AKAP13: variants seen among roughly 807,000 people sequenced by gnomAD.
AKAP13 encodes A-kinase anchor protein 13.
AKAP13 carries 80 observed loss-of-function variants against 264.5 expected under a neutral mutation model. The observed-to-expected ratio is 0.30, with a 90% confidence interval of 0.25 to 0.36. AKAP13 has a LOEUF of 0.36. Among genes scored for constraint, AKAP13 ranks in the 10% least tolerant of loss-of-function variants. The probability of loss-of-function intolerance (pLI) is 1.00; values close to 1 mark genes in which losing one functional copy is unlikely to be tolerated. For missense variants in AKAP13, 3,712 were observed against 3,435.2 expected, an observed-to-expected ratio of 1.08 and a Z score of -2.01; for synonymous variants, 1,380 against 1,250.2, an observed-to-expected ratio of 1.10 and a Z score of -2.19.
At position 85,528,239 on chromosome 15, in the gene AKAP13, G is replaced by A. The variant is rs181556831; in HGVS notation, c.182-5345G>A. ...CCTCCTGACCTGCCAGCATAAAAAA[G>A]GTGCAGATTAGGTGATTTTAAGAGG... On this transcript the variant is annotated intron_variant, in intron 3 of 36. Coordinates refer to ENST00000394518, the MANE Select transcript of AKAP13 (RefSeq NM_007200.5). Among the ~76,000 whole-genome samples, 13 of 152,230 alleles carry A rather than the reference G, an allele frequency of 8.5e-5. No individual in the cohort carries two copies. The East Asian group carries it at 2.5e-3, about 29-fold the overall frequency.
At chr15:85,412,738 C>T (rs986758456) in intron 1 of AKAP13, among the ~76,000 whole-genome samples, 6 of 152,128 alleles carry the variant, frequency 3.9e-5, no homozygotes, top group Non-Finnish European at 8.8e-5. Flanking sequence ...TAAGCTGATC[C>T]TCATGAAATA....
chr15:85,577,708 A>G (rs1353241393), intron 6 of AKAP13: 1 of 720,700 alleles, frequency 1.4e-6, no homozygotes, highest in Non-Finnish European at 1.7e-6. Context: ...CTGACAGTAT[A>G]TAGGTATATG....
chr15:85,623,777 A>G (rs1165868389), intron 8 of AKAP13, among the ~76,000 whole-genome samples: 2 of 152,212 alleles, frequency 1.3e-5, no homozygotes, highest in East Asian at 3.8e-4. Context: ...GTTCCTCTGT[A>G]TATGACATTC....
chr15:85,385,176 C>A lies in AKAP13; in HGVS notation c.-12+4378C>A, dbSNP rs1032661744. 2.6e-5 allele frequency among the ~76,000 whole-genome samples: 4 copies of A among 152,068 alleles called. No individual in the cohort carries two copies. In the South Asian group the frequency reaches 6.2e-4, roughly 24 times the overall value. ...TGGGCTTTTACAGAAGTTTGCTGAC[C>A]CTTTTTCTACATAACCAACTGCAGT... On this transcript the variant is annotated intron_variant, in intron 1 of 36. Transcript: ENST00000394518.
At chr15:85,466,667 A>G (rs1401809910) in intron 1 of AKAP13, among the ~76,000 whole-genome samples, 1 of 152,182 alleles carries the variant, frequency 6.6e-6, no homozygotes, top group Non-Finnish European at 1.5e-5. Flanking sequence ...CCCTCTTCCC[A>G]TTTGTACTGT....
intron 15 of AKAP13, chr15:85,683,515 G>C (rs1244909345): frequency 6.6e-6 from 1 of 152,180 alleles, no homozygotes; most frequent in Non-Finnish European, 1.5e-5. Flanking sequence ...ACCCAGGCTG[G>C]AGTGCACTGG....
chr15:85,611,079 T>G (rs1468003540), intron 8 of AKAP13, among the ~76,000 whole-genome samples: 3 of 151,194 alleles, frequency 2.0e-5, no homozygotes, highest in Admixed American at 6.6e-5. Context: ...AGAACTACCC[T>G]CACCAAGATC....
At chr15:85,481,646 A>G (rs1339765981) in intron 1 of AKAP13, among the ~76,000 whole-genome samples, 17 of 152,186 alleles carry the variant, frequency 1.1e-4, no homozygotes, top group African/African-American at 4.8e-5. Flanking sequence ...ATTCCTTTCA[A>G]CTGTAGCTGG....
At chr15:85,634,544 TC>T (rs1294510504) in intron 8 of AKAP13, among the ~76,000 whole-genome samples, 4 of 152,204 alleles carry the variant, frequency 2.6e-5, no homozygotes, top group African/African-American at 9.7e-5. Context: ...ATTTTATACT[TC>T]TGTTTTTGAG....
rs757666650 is a variant in AKAP13, at chr15:85,718,004, G to A, written c.5849-3G>A. ...TCTGATATTGATTTTTTGATATATTGAGGAGTAGGTACAGACATGAATGAA... is the reference window on the plus strand; with the variant it reads ...TCTGATATTGATTTTTTGATATATTAAGGAGTAGGTACAGACATGAATGAA... On this transcript the variant is annotated splice_polypyrimidine_tract_variant and splice_region_variant and intron_variant, in intron 21 of 36. Transcript: ENST00000394518. This position sits in a 1 kb window ranked among gnomAD's most constrained non-coding sequence, Gnocchi z 4.9. 4.3e-6 allele frequency: 7 copies of A among 1,612,482 alleles called. No individual in the cohort carries two copies. In the South Asian group the frequency reaches 5.5e-5, roughly 13 times the overall value.
chr15:85,473,826 A>G (rs911962437), intron 1 of AKAP13, among the ~76,000 whole-genome samples: 1 of 152,238 alleles, frequency 6.6e-6, no homozygotes. Flanking sequence ...GTGGTAGGTC[A>G]AATGAGATGC....
chr15:85,748,942 A>T lies in AKAP13; in HGVS notation c.*4265A>T, dbSNP rs72750195. On this transcript the variant is annotated 3_prime_UTR_variant, in exon 37 of 37. Transcript: ENST00000394518. ...CCACCTGAGGGCATGAGCACAGGCC[A>T]TGGGGCGTGCCTGGTGAGTCTGCCT... 801 of 152,514 alleles carry T rather than the reference A, an allele frequency of 5.3e-3. 6 individuals are homozygous for T. The highest frequency in any genetic ancestry group is 8.0e-3 in the Admixed American group (123 of 15,312). The allele number at this position is 152,514 out of a possible 1,614,324, so 9.4% of individuals were successfully genotyped here. A position where few individuals can be genotyped will look rare whatever the true frequency, so the allele number is the denominator to read the frequency against.
At chr15:85,538,129 C>T (rs2077462864) in intron 4 of AKAP13, among the ~76,000 whole-genome samples, 1 of 152,042 alleles carries the variant, frequency 6.6e-6, no homozygotes, top group African/African-American at 2.4e-5. Flanking sequence ...GGGGTGTTTT[C>T]CCTGAGAGAC....
At position 85,724,520 on chromosome 15, in the gene AKAP13, G is replaced by A. The variant is rs11334737; in HGVS notation, c.6745+1200G>A. ...GAGTGGACACCCGGGACTCTCACGT[G>A]AGAGAGCAGAGTGAATGACAGGGGA... On this transcript the variant is annotated intron_variant, in intron 26 of 36. Coordinates refer to ENST00000394518, the MANE Select transcript of AKAP13 (RefSeq NM_007200.5). The surrounding 1 kb of genome is among the most constrained non-coding windows in gnomAD (Gnocchi z 4.2). 6.6e-6 allele frequency among the ~76,000 whole-genome samples: 1 copy of A among 151,458 alleles called. No homozygotes were observed. The highest frequency in any genetic ancestry group is 2.1e-4 in the South Asian group (1 of 4,790).
chr15:85,642,579 T>A (rs576764964), intron 9 of AKAP13, among the ~76,000 whole-genome samples: 1 of 152,246 alleles, frequency 6.6e-6, no homozygotes, highest in Non-Finnish European at 1.5e-5. Context: ...TTATAATGGT[T>A]TACGGTCCCT....
chr15:85,429,040 T>C (rs559846845), intron 1 of AKAP13, among the ~76,000 whole-genome samples: 4 of 152,352 alleles, frequency 2.6e-5, no homozygotes, highest in East Asian at 3.9e-4. Flanking sequence ...AGTAATGTTA[T>C]ATAGCTAGTG....
intron 1 of AKAP13, among the ~76,000 whole-genome samples, chr15:85,427,789 G>A (rs2072862733): frequency 6.6e-6 from 1 of 152,180 alleles, no homozygotes; most frequent in African/African-American, 2.4e-5. Flanking sequence ...ACCATAATAA[G>A]CTTATGTTAG....
At chr15:85,633,525 CTTTTTTTTTCTTTTTTTT>C (rs896388536) in intron 8 of AKAP13, among the ~76,000 whole-genome samples, 6 of 122,220 alleles carry the variant, frequency 4.9e-5, no homozygotes, top group Non-Finnish European at 1.0e-4. Context: ...CTCTGAATGA[CTTTTTTTTTCTTTTTTTT>C]TTTTTTTTTT....
intron 3 of AKAP13, among the ~76,000 whole-genome samples, chr15:85,527,049 G>C: frequency 6.6e-6 from 1 of 151,872 alleles, no homozygotes; most frequent in East Asian, 1.9e-4. Context: ...CCGCCTCCTG[G>C]GTTCAGGCCA....
Sources: gnomAD v4.1 joint callset for allele counts (sites outside exome capture counted in the v4.1 genomes callset) on GRCh38, gnomAD v4.1.1 for gene constraint, Gnocchi (gnomAD v3.1) non-coding constraint, MANE v1.5 for transcripts, NCBI Gene and HGNC (gene_info 2026-07-23, HGNC 2026-07-21) for gene names.